Variants in SLC36A4 observed in about 807,000 individuals in gnomAD.
SLC36A4 encodes the protein solute carrier family 36 member 4, also known as neutral amino acid uniporter 4.
Under a neutral mutation model 50.5 loss-of-function variants are expected in SLC36A4, and 49 were observed. The observed-to-expected ratio is 0.97, with a 90% confidence interval of 0.77 to 1.23. The LOEUF (loss-of-function observed/expected upper bound fraction) is 1.23, where lower values mean the gene tolerates loss of function less well. SLC36A4 is among the 50% of genes most tolerant of loss of function. SLC36A4 has a pLI of 0.00. For synonymous variants in SLC36A4, 207 were observed against 206.5 expected, an observed-to-expected ratio of 1.00 and a Z score of -0.02; for missense variants, 611 against 608.4, an observed-to-expected ratio of 1.00 and a Z score of -0.05.
rs528291508 is a variant in SLC36A4, at chr11:93,183,798, C to T, written c.270+632G>A. On this transcript the variant is annotated intron_variant, in intron 3 of 10. Transcript: ENST00000326402. Reference sequence around the variant, plus strand: ...ATGCAAACTCCACCTCCTGGGTTCACGCCATTCTCCTGCCTCAGCCTCCCG... The same window carrying T: ...ATGCAAACTCCACCTCCTGGGTTCATGCCATTCTCCTGCCTCAGCCTCCCG... Among the ~76,000 whole-genome samples, 11 of 151,898 alleles carry T rather than the reference C, an allele frequency of 7.2e-5. 1 individual carries two copies. Among genetic ancestry groups the T allele is most frequent in the African/African-American group, 2.2e-4 (9 of 41,452 alleles).
chr11:93,160,884 A>G, intron 9 of SLC36A4: 1 of 531,290 alleles, frequency 1.9e-6, no homozygotes, highest in Non-Finnish European at 2.4e-6. Flanking sequence ...TCTGTTTCCC[A>G]GGCTGGAGTG....
At chr11:93,171,843 A>G (rs1861151128) in intron 6 of SLC36A4, 1 of 152,152 alleles carries the variant, frequency 6.6e-6, no homozygotes, top group South Asian at 2.1e-4. Flanking sequence ...AATCAAAAGG[A>G]CATCATCTAT....
chr11:93,173,445 G>C (rs1362835556), intron 6 of SLC36A4, among the ~76,000 whole-genome samples: 1 of 148,250 alleles, frequency 6.7e-6, no homozygotes, highest in Non-Finnish European at 1.5e-5. Context: ...AAGCTCTTTA[G>C]TTTAATTAGA....
intron 1 of SLC36A4, among the ~76,000 whole-genome samples, chr11:93,190,604 T>C (rs1274954063): frequency 6.6e-6 from 1 of 152,198 alleles, no homozygotes; most frequent in Non-Finnish European, 1.5e-5. Flanking sequence ...GTTTAAATAA[T>C]TTGAGATTAA....
intron 8 of SLC36A4, among the ~76,000 whole-genome samples, chr11:93,164,913 G>T (rs988258265): frequency 6.6e-6 from 1 of 152,100 alleles, no homozygotes; most frequent in African/African-American, 2.4e-5. Context: ...AAATGAGAAA[G>T]TAAAGCTGGT....
intron 10 of SLC36A4, among the ~76,000 whole-genome samples, chr11:93,151,806 A>G (rs1361180347): frequency 6.6e-6 from 1 of 152,098 alleles, no homozygotes; most frequent in Non-Finnish European, 1.5e-5. Context: ...GATTCAATTC[A>G]TACACAGAAT....
At chr11:93,190,019 C>T (rs1488176964) in intron 1 of SLC36A4, among the ~76,000 whole-genome samples, 1 of 152,156 alleles carries the variant, frequency 6.6e-6, no homozygotes, top group Non-Finnish European at 1.5e-5. Context: ...ACCTCCGTCA[C>T]TCTGAACAAA....
intron 7 of SLC36A4, chr11:93,166,571 T>C (rs1047015179): frequency 5.9e-5 from 12 of 202,036 alleles, no homozygotes; most frequent in African/African-American, 2.4e-4. Flanking sequence ...TATTTGAATA[T>C]ATATGTCCTG....
intron 4 of SLC36A4, among the ~76,000 whole-genome samples, 172 bp from the exon 5 acceptor site, chr11:93,181,958 T>C (rs1861756776): frequency 1.3e-5 from 2 of 152,114 alleles, no homozygotes; most frequent in African/African-American, 4.8e-5. Flanking sequence ...GCATGCCTCA[T>C]AAAGTTTTAA....
intron 6 of SLC36A4, among the ~76,000 whole-genome samples, chr11:93,175,906 G>GA (rs1405081992): frequency 4.3e-5 from 5 of 115,054 alleles, no homozygotes; most frequent in Admixed American, 4.3e-4. Context: ...GTGTGGTGCT[G>GA]AAAAAAATGT....
chr11:93,162,139 G>T (rs985813609), intron 9 of SLC36A4, among the ~76,000 whole-genome samples: 1 of 152,004 alleles, frequency 6.6e-6, no homozygotes, highest in African/African-American at 2.4e-5. Flanking sequence ...TTATTAAAAC[G>T]TGTCCATATT....
intron 1 of SLC36A4, among the ~76,000 whole-genome samples, chr11:93,186,491 TATG>T (rs1217693749): frequency 6.6e-6 from 1 of 152,214 alleles, no homozygotes; most frequent in Non-Finnish European, 1.5e-5. Flanking sequence ...TTATATTTTT[TATG>T]ATGCCTTTAA....
At chr11:93,185,581 T>C (rs754638443) in intron 2 of SLC36A4, 110 bp downstream of exon 2, 2 of 984,666 alleles carry the variant, frequency 2.0e-6, no homozygotes, top group Non-Finnish European at 2.9e-6. Context: ...GTGGAGACTA[T>C]GTCTTATATT....
chr11:93,183,728 T>C (rs1296455754), intron 3 of SLC36A4, among the ~76,000 whole-genome samples: 3 of 151,856 alleles, frequency 2.0e-5, no homozygotes, highest in Non-Finnish European at 4.4e-5. Context: ...GACAGAGTCT[T>C]GCTCTGTCGC....
chr11:93,158,892 C>CA (rs1342232035), intron 9 of SLC36A4, among the ~76,000 whole-genome samples: 2 of 151,888 alleles, frequency 1.3e-5, no homozygotes, highest in African/African-American at 4.8e-5. Flanking sequence ...TTTGAGGGTA[C>CA]AAAAAACATC....
At chr11:93,153,725 G>A (rs1239704686) in intron 10 of SLC36A4, among the ~76,000 whole-genome samples, 3 of 151,998 alleles carry the variant, frequency 2.0e-5, no homozygotes, top group Non-Finnish European at 4.4e-5. Flanking sequence ...CTTTCCTGTA[G>A]GTAGTTATGA....
chr11:93,166,277 G>C, intron 7 of SLC36A4: 1 of 1,171,934 alleles, frequency 8.5e-7, no homozygotes, highest in South Asian at 2.6e-5. Flanking sequence ...GCTTCCACCT[G>C]CAAGTCCCAG....
At chr11:93,181,616 T>A (rs964429554) in intron 5 of SLC36A4, 75 bp downstream of exon 5, 23 of 1,066,104 alleles carry the variant, frequency 2.2e-5, no homozygotes, top group Non-Finnish European at 2.8e-5. Flanking sequence ...TTTATTTATA[T>A]ATATTGTTAG....
intron 9 of SLC36A4, chr11:93,160,630 T>C (rs1860576418): frequency 1.0e-6 from 1 of 985,262 alleles, no homozygotes; most frequent in Admixed American, 6.2e-5. Flanking sequence ...TACACCACAT[T>C]CTTATGTGCC....
Sources: allele counts gnomAD v4.1 joint callset (sites outside exome capture counted in the v4.1 genomes callset), GRCh38; gene constraint gnomAD v4.1.1; transcripts MANE v1.5; gene names NCBI Gene and HGNC (gene_info 2026-07-23, HGNC 2026-07-21).